MYO1E: variants seen among roughly 807,000 people sequenced by gnomAD.
The protein encoded by MYO1E is myosin IE.
In MYO1E, 68 loss-of-function variants were observed where a neutral mutation model predicts 151.1. That is an observed-to-expected ratio of 0.45 (90% CI 0.37 to 0.55). The LOEUF is 0.55. MYO1E is among the 20% of genes least tolerant of loss of function. MYO1E has a pLI of 0.00. For synonymous variants in MYO1E, 601 were observed against 501.7 expected (o/e 1.20, Z -2.64); for missense variants, 1,363 against 1,389.3 (o/e 0.98, Z 0.30).
chr15:59,135,551 G>C lies in MYO1E; in HGVS notation c.*1829C>G, dbSNP rs1388285830. The C allele has an allele frequency of 6.6e-6, 1 of 152,174 alleles. No individual in the cohort carries two copies. Among genetic ancestry groups the C allele is most frequent in the Non-Finnish European group, 1.5e-5 (1 of 68,038 alleles). The allele number at this position is 152,174 out of a possible 1,614,324, so 9.4% of individuals were successfully genotyped here. A position where few individuals can be genotyped will look rare whatever the true frequency, so the allele number is the denominator to read the frequency against. On this transcript the variant is annotated 3_prime_UTR_variant, in exon 28 of 28. Transcript: ENST00000288235. ...ACCTTTCCTCAACTCACCGCATCAT[G>C]GCTCTACTTTCCTCTCTGGTCGCAA...
intron 23 of MYO1E, among the ~76,000 whole-genome samples, chr15:59,162,321 C>G (rs1478216192): frequency 6.6e-6 from 1 of 152,106 alleles, no homozygotes; most frequent in Non-Finnish European, 1.5e-5. Context: ...CCAGCCAGTA[C>G]CTGGTCCATT....
chr15:59,320,816 A>T (rs2080621157), intron 1 of MYO1E, among the ~76,000 whole-genome samples: 1 of 152,240 alleles, frequency 6.6e-6, no homozygotes, highest in Non-Finnish European at 1.5e-5. Context: ...ACTGCAACAA[A>T]AACAAAAATT....
intron 1 of MYO1E, among the ~76,000 whole-genome samples, chr15:59,305,904 G>A (rs985221445): frequency 5.3e-5 from 8 of 152,120 alleles, no homozygotes; most frequent in African/African-American, 1.4e-4. Context: ...ATAAGGATGA[G>A]GACAGACCAA....
intron 12 of MYO1E, among the ~76,000 whole-genome samples, chr15:59,212,408 G>A (rs1428524307): frequency 2.0e-5 from 3 of 152,022 alleles, no homozygotes; most frequent in Non-Finnish European, 4.4e-5. Context: ...CTAAGCAGAG[G>A]CATAAACACT....
intron 3 of MYO1E, among the ~76,000 whole-genome samples, chr15:59,257,515 G>T (rs1230169191): frequency 6.6e-6 from 1 of 152,196 alleles, no homozygotes; most frequent in Admixed American, 6.5e-5. Context: ...CAAAGGTGAA[G>T]CTTAACGTAC....
At chr15:59,236,485 A>T in intron 5 of MYO1E, 100 bp downstream of exon 5, 1 of 938,214 alleles carries the variant, frequency 1.1e-6, no homozygotes, top group Non-Finnish European at 1.7e-6. Context: ...TAGAAGAACC[A>T]GTGTCTTTTC....
chr15:59,142,511 C>G (rs2079416385), intron 26 of MYO1E, among the ~76,000 whole-genome samples: 1 of 152,226 alleles, frequency 6.6e-6, no homozygotes, highest in Non-Finnish European at 1.5e-5. Context: ...TGTTTCTGTC[C>G]TTCGTGTCTT....
intron 18 of MYO1E, among the ~76,000 whole-genome samples, chr15:59,181,714 G>T (rs775846777): frequency 1.3e-5 from 2 of 152,208 alleles, no homozygotes; most frequent in African/African-American, 2.4e-5. Flanking sequence ...CTATGCTCTG[G>T]GTAGTCTGTG....
intron 16 of MYO1E, among the ~76,000 whole-genome samples, chr15:59,202,005 G>A (rs150362792): frequency 1.1e-4 from 16 of 152,266 alleles, no homozygotes; most frequent in Non-Finnish European, 1.9e-4. Flanking sequence ...ACATGGCTCC[G>A]AACCATATTT....
chr15:59,210,442 T>C, intron 13 of MYO1E, 72 bp downstream of exon 13: 2 of 1,093,568 alleles, frequency 1.8e-6, no homozygotes, highest in Non-Finnish European at 2.8e-6. Flanking sequence ...TCTAAAACAA[T>C]GACACAGAGA....
intron 26 of MYO1E, among the ~76,000 whole-genome samples, chr15:59,142,960 A>C (rs1012435229): frequency 6.6e-6 from 1 of 150,974 alleles, no homozygotes; most frequent in African/African-American, 2.4e-5. Flanking sequence ...AGATTGTTTT[A>C]AACTAGAGAT....
intron 6 of MYO1E, among the ~76,000 whole-genome samples, chr15:59,231,002 A>G (rs903406303): frequency 1.3e-5 from 2 of 152,222 alleles, no homozygotes; most frequent in African/African-American, 2.4e-5. Flanking sequence ...CAGCCTTGCC[A>G]GCTTTCCTAT....
chr15:59,207,078 C>G lies in MYO1E; in HGVS notation c.1531-1593G>C, dbSNP rs771189342. On this transcript the variant is annotated intron_variant, in intron 14 of 27. Coordinates refer to ENST00000288235, the MANE Select transcript of MYO1E (RefSeq NM_004998.4). ...TCAACGGCACCTGGCTCTTCACCCC[C>G]GTGAGCAAGATGGCGACTGTGAAGA... The G allele has an allele frequency of 3.1e-6, 5 of 1,614,214 alleles. No individual in the cohort carries two copies. In the South Asian group the frequency reaches 4.4e-5, roughly 14 times the overall value.
At chr15:59,299,332 A>G (rs2080468766) in intron 1 of MYO1E, among the ~76,000 whole-genome samples, 1 of 152,230 alleles carries the variant, frequency 6.6e-6, no homozygotes, top group Non-Finnish European at 1.5e-5. Flanking sequence ...CACAAACAGG[A>G]ATTGGCAATA....
chr15:59,232,395 G>A (rs2080033726), intron 5 of MYO1E, among the ~76,000 whole-genome samples: 1 of 152,218 alleles, frequency 6.6e-6, no homozygotes, highest in Non-Finnish European at 1.5e-5. Flanking sequence ...CAGCTCCCTG[G>A]TGTTGCTGGT....
intron 9 of MYO1E, among the ~76,000 whole-genome samples, chr15:59,221,022 A>C (rs1206929048): frequency 1.4e-5 from 2 of 146,094 alleles, no homozygotes; most frequent in Non-Finnish European, 3.0e-5. Flanking sequence ...ATATATATAA[A>C]ATTTATATAT....
chr15:59,256,654 T>C (rs1178825703), intron 3 of MYO1E, among the ~76,000 whole-genome samples: 3 of 152,148 alleles, frequency 2.0e-5, no homozygotes, highest in Admixed American at 2.0e-4. Context: ...CTTCCGGATG[T>C]GCCCCGTGTC....
intron 4 of MYO1E, among the ~76,000 whole-genome samples, chr15:59,246,788 C>G (rs1208059705): frequency 6.6e-6 from 1 of 152,180 alleles, no homozygotes; most frequent in Non-Finnish European, 1.5e-5. Flanking sequence ...ACAGAAACTG[C>G]CCAGGTATGG....
chr15:59,150,524 T>G (rs1266156238), intron 26 of MYO1E, among the ~76,000 whole-genome samples: 1 of 152,200 alleles, frequency 6.6e-6, no homozygotes, highest in Non-Finnish European at 1.5e-5. Flanking sequence ...CACACAGAGC[T>G]AAGAGATTTG....
Sources: gnomAD v4.1 joint callset for allele counts (sites outside exome capture counted in the v4.1 genomes callset) on GRCh38, gnomAD v4.1.1 for gene constraint, MANE v1.5 for transcripts, NCBI Gene and HGNC (gene_info 2026-07-23, HGNC 2026-07-21) for gene names.